The following CFAP299 variants were observed in gnomAD, a reference collection of about 807,000 sequenced individuals.
CFAP299 encodes cilia and flagella associated protein 299.
In CFAP299, 21 loss-of-function variants were observed where a neutral mutation model predicts 27.0. The observed-to-expected ratio is 0.78, with a 90% CI of 0.55 to 1.12. The LOEUF (loss-of-function observed/expected upper bound fraction) is 1.12, where lower values mean the gene tolerates loss of function less well. CFAP299 is among the 50% of genes most tolerant of loss of function. CFAP299 has a pLI of 0.00. For missense variants in CFAP299, 310 were observed against 276.6 expected (o/e 1.12, Z -0.86); for synonymous variants, 104 against 98.1 (o/e 1.06, Z -0.36).
intron 3 of CFAP299, among the ~76,000 whole-genome samples, chr4:80,603,959 T>G (rs955651006): frequency 2.6e-5 from 4 of 152,122 alleles, no homozygotes; most frequent in Non-Finnish European, 5.9e-5. Context: ...TAATACAACA[T>G]GTTACCTCAT....
At chr4:80,705,068 T>C (rs1329941098) in intron 3 of CFAP299, among the ~76,000 whole-genome samples, 2 of 151,712 alleles carry the variant, frequency 1.3e-5, no homozygotes, top group Non-Finnish European at 3.0e-5. Flanking sequence ...GGGATAAAAG[T>C]GCTAGCAGTT....
chr4:80,926,247 A>C lies in CFAP299; in HGVS notation c.477-18563A>C, dbSNP rs1736300075. Among the ~76,000 whole-genome samples, 5 of 152,172 alleles carry C rather than the reference A, an allele frequency of 3.3e-5. No homozygotes were observed. In the South Asian group the frequency reaches 1.0e-3, roughly 32 times the overall value. On this transcript the variant is annotated intron_variant, in intron 4 of 5. Transcript: ENST00000358105. Reference sequence around the variant, plus strand: ...TTTGGAGTGCATGATGTGACTAGAGAGATGGCTTCCAGGTTTGGAGGAGTT... The same window carrying C: ...TTTGGAGTGCATGATGTGACTAGAGCGATGGCTTCCAGGTTTGGAGGAGTT...
chr4:80,391,693 T>A (rs1725490874), intron 2 of CFAP299, among the ~76,000 whole-genome samples: 1 of 152,172 alleles, frequency 6.6e-6, no homozygotes, highest in South Asian at 2.1e-4. Context: ...AGATTCTGGG[T>A]GTGGTGGCTC....
chr4:80,370,549 A>G (rs902338698), intron 2 of CFAP299, among the ~76,000 whole-genome samples: 2 of 152,252 alleles, frequency 1.3e-5, no homozygotes, highest in African/African-American at 2.4e-5. Context: ...AATGGGGGAT[A>G]GGCATTAGGT....
intron 3 of CFAP299, among the ~76,000 whole-genome samples, chr4:80,831,594 C>T (rs1311490219): frequency 1.3e-5 from 2 of 152,112 alleles, no homozygotes; most frequent in Non-Finnish European, 2.9e-5. Context: ...TCCCATTCTT[C>T]TAAATCAGAA....
At chr4:80,609,294 T>C (rs1179397331) in intron 3 of CFAP299, among the ~76,000 whole-genome samples, 1 of 152,088 alleles carries the variant, frequency 6.6e-6, no homozygotes, top group Admixed American at 6.6e-5. Flanking sequence ...TTCCCAGTTA[T>C]TAGGAGCTTC....
rs1736159212 is a variant in CFAP299, at chr4:80,923,675, T to C, written c.477-21135T>C. On this transcript the variant is annotated intron_variant, in intron 4 of 5. Coordinates refer to ENST00000358105, the MANE Select transcript of CFAP299 (RefSeq NM_152770.3). ...TATTTAATTAACAAATTTTCATTAATTGAACATCATTTCAAAATCATTTTG... is the reference window on the plus strand; with the variant it reads ...TATTTAATTAACAAATTTTCATTAACTGAACATCATTTCAAAATCATTTTG... 2.0e-5 allele frequency among the ~76,000 whole-genome samples: 3 copies of C among 152,082 alleles called. No individual in the cohort carries two copies. The South Asian group carries it at 6.2e-4, about 31-fold the overall frequency.
intron 2 of CFAP299, among the ~76,000 whole-genome samples, chr4:80,369,439 G>T (rs543365860): frequency 6.6e-6 from 1 of 152,180 alleles, no homozygotes; most frequent in South Asian, 2.1e-4. Flanking sequence ...TTTGTGATGT[G>T]ACCCAAAATC....
chr4:80,577,156 A>G (rs1362790484), intron 2 of CFAP299, among the ~76,000 whole-genome samples: 1 of 152,192 alleles, frequency 6.6e-6, no homozygotes. Context: ...CCTTCATTAT[A>G]GTGAAATAAA....
At chr4:80,468,325 G>A (rs1328135880) in intron 2 of CFAP299, among the ~76,000 whole-genome samples, 1 of 151,424 alleles carries the variant, frequency 6.6e-6, no homozygotes, top group Non-Finnish European at 1.5e-5. Flanking sequence ...CTGGGTTCAA[G>A]TGATTCTCCA....
intron 2 of CFAP299, among the ~76,000 whole-genome samples, chr4:80,487,651 G>A (rs1730896096): frequency 6.6e-6 from 1 of 152,022 alleles, no homozygotes; most frequent in South Asian, 2.1e-4. Flanking sequence ...TGCACCACAG[G>A]GATGAAAAAA....
At chr4:80,820,825 C>T (rs138359793) in intron 3 of CFAP299, among the ~76,000 whole-genome samples, 44 of 152,074 alleles carry the variant, frequency 2.9e-4, no homozygotes, top group Admixed American at 1.9e-3. Flanking sequence ...GAATGAATAG[C>T]GTTATATGGC....
intron 3 of CFAP299, among the ~76,000 whole-genome samples, chr4:80,773,328 A>G (rs576739005): frequency 6.6e-6 from 1 of 152,262 alleles, no homozygotes; most frequent in East Asian, 1.9e-4. Flanking sequence ...GGTAAAGTAT[A>G]TAGGGTGTGA....
intron 3 of CFAP299, among the ~76,000 whole-genome samples, chr4:80,843,813 C>T (rs867431003): frequency 3.3e-5 from 5 of 151,444 alleles, no homozygotes; most frequent in South Asian, 2.1e-4. Context: ...CACAATGTGC[C>T]GGTTTGTTAC....
chr4:80,864,469 C>T (rs1039375672), intron 3 of CFAP299, among the ~76,000 whole-genome samples: 1 of 136,738 alleles, frequency 7.3e-6, no homozygotes. Flanking sequence ...TATATATATA[C>T]CTATGTGTAT....
rs544241949 is a variant in CFAP299, at chr4:80,366,200, C to T, written c.242+3316C>T. On this transcript the variant is annotated intron_variant, in intron 2 of 5. Coordinates refer to ENST00000358105, the MANE Select transcript of CFAP299 (RefSeq NM_152770.3). ...TATGCATGAACATCTGACTGCCAGC[C>T]AGCTGGCAACTTGGAAACACTTGGT... is the stretch of plus-strand genomic sequence containing the variant. Among the ~76,000 whole-genome samples, 19 of 152,330 alleles carry T rather than the reference C, an allele frequency of 1.2e-4. No homozygotes were observed. In the East Asian group the frequency reaches 3.5e-3, roughly 28 times the overall value.
rs56770432 is a variant in CFAP299, at chr4:80,829,293, G to A, written c.334-40700G>A. ...CTTGATTAGAAATTTCTCCAAAGAA[G>A]ATACAGGAATGGATAATGAACACAT... On this transcript the variant is annotated intron_variant, in intron 3 of 5. Transcript: ENST00000358105. Among the ~76,000 whole-genome samples the A allele has an allele frequency of 5.7e-3, 872 of 152,042 alleles. 7 individuals are homozygous for A. The highest frequency in any genetic ancestry group is 0.02 in the African/African-American group (818 of 41,492).
At chr4:80,564,336 C>T (rs1560626881) in intron 2 of CFAP299, among the ~76,000 whole-genome samples, 1 of 152,006 alleles carries the variant, frequency 6.6e-6, no homozygotes, top group Non-Finnish European at 1.5e-5. Flanking sequence ...TCATTATGAT[C>T]AAGTGGCATT....
At chr4:80,904,394 A>C (rs1735079151) in intron 4 of CFAP299, among the ~76,000 whole-genome samples, 1 of 152,148 alleles carries the variant, frequency 6.6e-6, no homozygotes, top group Non-Finnish European at 1.5e-5. Flanking sequence ...TCTCCACCCC[A>C]GGTCCTAGTC....
Sources: gnomAD v4.1 joint callset for allele counts (sites outside exome capture counted in the v4.1 genomes callset) on GRCh38, gnomAD v4.1.1 for gene constraint, MANE v1.5 for transcripts, NCBI Gene and HGNC (gene_info 2026-07-23, HGNC 2026-07-21) for gene names.